Variants in RBMS3 observed in about 807,000 individuals in gnomAD.
The protein encoded by RBMS3 is RNA binding motif single stranded interacting protein 3.
Under a neutral mutation model 66.8 loss-of-function variants are expected in RBMS3, and 27 were observed. That is an observed-to-expected ratio of 0.40 (90% CI 0.30 to 0.56). The LOEUF (loss-of-function observed/expected upper bound fraction) is 0.56, where lower values mean the gene tolerates loss of function less well. RBMS3 is among the 20% of genes least tolerant of loss of function. RBMS3 has a pLI of 0.40. For synonymous variants in RBMS3, 188 were observed against 183.0 expected, an observed-to-expected ratio of 1.03 and a Z score of -0.22; for missense variants, 513 against 549.5, an observed-to-expected ratio of 0.93 and a Z score of 0.66.
chr3:29,739,326 G>C (rs1409328225), intron 4 of RBMS3, among the ~76,000 whole-genome samples: 1 of 151,918 alleles, frequency 6.6e-6, no homozygotes, highest in Non-Finnish European at 1.5e-5. Context: ...CGTGGTGGCG[G>C]GCGCCTGTAG....
At chr3:29,409,705 C>T (rs2040184170) in intron 1 of RBMS3, among the ~76,000 whole-genome samples, 1 of 152,170 alleles carries the variant, frequency 6.6e-6, no homozygotes. Context: ...TGGCTAAACT[C>T]AGAGCTAATG....
At chr3:29,296,649 C>A (rs185347738) in intron 1 of RBMS3, among the ~76,000 whole-genome samples, 67 of 151,888 alleles carry the variant, frequency 4.4e-4, no homozygotes, top group African/African-American at 1.6e-3. Context: ...TGACACAGAA[C>A]TATTTGCTAC....
chr3:29,880,845 C>G (rs1179788963), intron 7 of RBMS3: 5 of 1,528,468 alleles, frequency 3.3e-6, no homozygotes, highest in Non-Finnish European at 2.6e-6. Context: ...TCATTCCCGA[C>G]CCTTTTGCAA....
chr3:29,561,127 T>G (rs1344064550), intron 3 of RBMS3, among the ~76,000 whole-genome samples: 1 of 151,924 alleles, frequency 6.6e-6, no homozygotes, highest in Non-Finnish European at 1.5e-5. Context: ...CATTTTCTTA[T>G]CCAGTCTATC....
At chr3:29,899,916 A>T (rs1253529257) in intron 10 of RBMS3, among the ~76,000 whole-genome samples, 161 bp downstream of exon 10, 1 of 151,760 alleles carries the variant, frequency 6.6e-6, no homozygotes, top group Non-Finnish European at 1.5e-5. Context: ...CTACAAAAGC[A>T]TGTACAATAG....
chr3:30,002,858 G>T (rs1699672344), intron 14 of RBMS3, among the ~76,000 whole-genome samples: 1 of 151,910 alleles, frequency 6.6e-6, no homozygotes, highest in Admixed American at 6.6e-5. Flanking sequence ...CTTTCCTGCA[G>T]GGTACATACC....
chr3:29,434,797 A>G lies in RBMS3; in HGVS notation c.130A>G (p.Ser44Gly). Residue 44 changes from serine to glycine, a missense_variant, in exon 2 of 15, where the codon AGC becomes GGC. By Grantham distance (56) the Ser-to-Gly change is moderately conservative. Transcript: ENST00000383767. ...PMAPPSPSTN[S>G]SSNNSSNNSS... is the part of the protein sequence containing the mutation. ...GGCTCCTCCCAGCCCCAGCACAAACAGCAGCAGCAACAACAGCAGCAACAA... is the reference window on the plus strand; with the variant it reads ...GGCTCCTCCCAGCCCCAGCACAAACGGCAGCAGCAACAACAGCAGCAACAA... 2 of 1,614,066 alleles carry G rather than the reference A, an allele frequency of 1.2e-6. No individual in the cohort carries two copies. Among genetic ancestry groups the G allele is most frequent in the Non-Finnish European group, 1.7e-6 (2 of 1,179,980 alleles).
chr3:29,732,737 A>T (rs752330544), intron 4 of RBMS3, among the ~76,000 whole-genome samples: 31 of 152,130 alleles, frequency 2.0e-4, no homozygotes, highest in Non-Finnish European at 4.3e-4. Flanking sequence ...TTTAGTTTTT[A>T]TTATTATTAA....
chr3:29,816,844 C>T (rs762734396), intron 6 of RBMS3, among the ~76,000 whole-genome samples: 2 of 152,104 alleles, frequency 1.3e-5, no homozygotes, highest in Non-Finnish European at 2.9e-5. Context: ...GTAATTCCAG[C>T]ACTTTGGGAG....
At chr3:29,923,737 T>C (rs1021089402) in intron 10 of RBMS3, among the ~76,000 whole-genome samples, 1 of 152,186 alleles carries the variant, frequency 6.6e-6, no homozygotes, top group African/African-American at 2.4e-5. Flanking sequence ...GTTTCTTTAA[T>C]ATATTTGCAT....
intron 6 of RBMS3, among the ~76,000 whole-genome samples, chr3:29,794,311 G>T (rs891746940): frequency 1.3e-5 from 2 of 152,164 alleles, no homozygotes; most frequent in African/African-American, 4.8e-5. Context: ...TGATGGCGGG[G>T]CACGGTGGCT....
At chr3:29,810,434 T>A (rs1422364834) in intron 6 of RBMS3, among the ~76,000 whole-genome samples, 1 of 152,156 alleles carries the variant, frequency 6.6e-6, no homozygotes, top group Non-Finnish European at 1.5e-5. Context: ...ATTTGAGGAA[T>A]CTCCTTTCAG....
chr3:29,850,823 C>A (rs1228550166), intron 6 of RBMS3, among the ~76,000 whole-genome samples: 2 of 152,160 alleles, frequency 1.3e-5, no homozygotes, highest in Non-Finnish European at 2.9e-5. Flanking sequence ...ATCCTGCTAG[C>A]CTTTAGAGGT....
At chr3:29,325,728 C>A (rs1404843690) in intron 1 of RBMS3, among the ~76,000 whole-genome samples, 1 of 151,770 alleles carries the variant, frequency 6.6e-6, no homozygotes, top group Non-Finnish European at 1.5e-5. Context: ...AGGTGTTCTT[C>A]TAGAATATTA....
intron 3 of RBMS3, among the ~76,000 whole-genome samples, chr3:29,499,042 A>G (rs1434334929): frequency 6.6e-6 from 1 of 152,204 alleles, no homozygotes; most frequent in Non-Finnish European, 1.5e-5. Flanking sequence ...AGCAAATTCC[A>G]TCGCAGTGAC....
chr3:29,594,153 GTC>G (rs1312325512), intron 4 of RBMS3, among the ~76,000 whole-genome samples: 2 of 152,108 alleles, frequency 1.3e-5, no homozygotes, highest in Non-Finnish European at 2.9e-5. Context: ...TTTTATTATT[GTC>G]TATATCCTGC....
intron 3 of RBMS3, among the ~76,000 whole-genome samples, chr3:29,522,447 G>A (rs940942955): frequency 6.6e-6 from 1 of 152,116 alleles, no homozygotes; most frequent in South Asian, 2.1e-4. Flanking sequence ...GCCCGCCTTT[G>A]CCTCCCACAG....
intron 4 of RBMS3, among the ~76,000 whole-genome samples, chr3:29,654,521 CGTGTGTGTGTGTGTGTGTGTGTGTGTGT>C (rs56163408): frequency 3.4e-5 from 4 of 118,960 alleles, no homozygotes; most frequent in African/African-American, 9.8e-5. Context: ...GAATTGGATT[CGTGTGTGTGTGTGTGTGTGTGTGTGTGT>C]GTGTGTGTGT....
chr3:29,924,534 A>G (rs566531110), intron 10 of RBMS3, among the ~76,000 whole-genome samples: 1 of 152,234 alleles, frequency 6.6e-6, no homozygotes, highest in East Asian at 1.9e-4. Context: ...GGTCAAAATA[A>G]GAGATCTTAA....
Sources: allele counts gnomAD v4.1 joint callset (sites outside exome capture counted in the v4.1 genomes callset), GRCh38; gene constraint gnomAD v4.1.1; transcripts MANE v1.5; gene names NCBI Gene and HGNC (gene_info 2026-07-23, HGNC 2026-07-21).